ZBTB39: variants seen among roughly 807,000 people sequenced by gnomAD.
ZBTB39 encodes zinc finger and BTB domain-containing protein 39.
A neutral mutation model predicts 39.4 loss-of-function variants in ZBTB39; 25 were observed. The observed-to-expected ratio is 0.63, with a 90% CI of 0.46 to 0.89. The LOEUF (loss-of-function observed/expected upper bound fraction) is 0.89. ZBTB39 is among the 40% of genes least tolerant of loss of function. The probability of loss-of-function intolerance (pLI) is 0.00; values close to 1 mark genes in which losing one functional copy is unlikely to be tolerated. For synonymous variants in ZBTB39, 373 were observed against 359.6 expected (o/e 1.04, Z -0.42); for missense variants, 891 against 909.7 (o/e 0.98, Z 0.26).
Position 57,003,358 on chromosome 12 carries a change from C to G in ZBTB39, c.1560G>C (p.Trp520Cys), listed in dbSNP as rs1255265479. ...CAGCCATGTGCTTCTCTAGAAGATG[C>G]CAGTCCACAAAGCTGTTCGCACAGA... is the stretch of plus-strand genomic sequence containing the variant. The part of the protein sequence containing the change: ...CSVCANSFVD[W>C]HLLEKHMAVH... Residue 520 changes from tryptophan to cysteine, a missense_variant, in exon 2 of 2, where the codon TGG (tryptophan) becomes TGC (cysteine). Transcript: ENST00000300101. The surrounding 1 kb of genome is among the most constrained non-coding windows in gnomAD (Gnocchi z 4.8). 2.5e-6 allele frequency: 4 copies of G among 1,613,702 alleles called. No homozygotes were observed. The South Asian group carries it at 3.3e-5, about 13-fold the overall frequency.
Position 57,006,510 on chromosome 12 carries a change from G to C in ZBTB39, c.-150C>G, listed in dbSNP as rs947580510. 5.5e-5 allele frequency: 8 copies of C among 146,398 alleles called. No individual in the cohort carries two copies. Among genetic ancestry groups the C allele is most frequent in the African/African-American group, 2.0e-4 (8 of 40,778 alleles). 9.1% of individuals were successfully genotyped at this position (146,398 alleles called of 1,614,324 possible). On this transcript the variant is annotated 5_prime_UTR_variant, in exon 1 of 2. Coordinates refer to ENST00000300101, the MANE Select transcript of ZBTB39 (RefSeq NM_014830.3). ...GAGGCGGCGCCGCCGGCCGCGGCCAGACTCTCCATCCGCCGCGCGGCTCGC... is the reference window on the plus strand; with the variant it reads ...GAGGCGGCGCCGCCGGCCGCGGCCACACTCTCCATCCGCCGCGCGGCTCGC...
At chr12:57,005,616 TAAGAA>T (rs1956240417) in intron 1 of ZBTB39, among the ~76,000 whole-genome samples, 1 of 152,232 alleles carries the variant, frequency 6.6e-6, no homozygotes, top group Non-Finnish European at 1.5e-5. Context: ...GAATGCACAG[TAAGAA>T]AAGTAGAACA....
Position 57,006,531 on chromosome 12 carries a change from C to G in ZBTB39, c.-171G>C, listed in dbSNP as rs1185003607. The G allele has an allele frequency of 2.7e-5, 4 of 145,630 alleles. No individual in the cohort carries two copies. The highest frequency in any genetic ancestry group is 7.4e-5 in the African/African-American group (3 of 40,652). The allele number at this position is 145,630 out of a possible 1,614,324, so 9.0% of individuals were successfully genotyped here. ...GCCAGACTCTCCATCCGCCGCGCGG[C>G]TCGCCGCGACGGCCCGGGCCGCCCC... On this transcript the variant is annotated 5_prime_UTR_variant, in exon 1 of 2. Transcript: ENST00000300101.
At position 57,004,345 on chromosome 12, in the gene ZBTB39, A is replaced by C. The variant is rs780415511; in HGVS notation, c.573T>G (p.Ser191Arg). ...GCAGATGCAGGCTATGGTTAGCGTC[A>C]CTGGCAACATTCTTCTCTTCCTCTT... ...SYKEEEKNVASDANHSLHLPQ... is the reference protein window; with the variant it reads ...SYKEEEKNVARDANHSLHLPQ... The change falls in exon 2 of 2, where the codon AGT becomes AGG. Residue 191 changes from serine (S) to arginine (R), a missense_variant. By Grantham distance (110) the Ser-to-Arg change is moderately radical. Coordinates refer to ENST00000300101, the MANE Select transcript of ZBTB39 (RefSeq NM_014830.3). 1 of 1,614,200 alleles carries C rather than the reference A, an allele frequency of 6.2e-7. No homozygotes were observed. Among genetic ancestry groups the C allele is most frequent in the Non-Finnish European group, 8.5e-7 (1 of 1,180,028 alleles).
rs1474300860 is a variant in ZBTB39 at position 57,002,219 on chromosome 12, G to GGCTGTAGAT, written c.*551_*559dup. 6.4e-6 allele frequency: 1 copy of GGCTGTAGAT among 155,100 alleles called. No individual in the cohort carries two copies. The highest frequency in any genetic ancestry group is 2.4e-5 in the African/African-American group (1 of 41,418). 9.6% of individuals were successfully genotyped at this position (155,100 alleles called of 1,614,324 possible). ...TTTCACTGTTCAATCAGCAGATTAG[G>GGCTGTAGAT]GCTGTAGATAAGCAGACACCAACAT... On this transcript the variant is annotated 3_prime_UTR_variant, in exon 2 of 2. Transcript: ENST00000300101.
At position 56,999,750 on chromosome 12, in the gene ZBTB39, G is replaced by A. The variant is rs1035945750; in HGVS notation, c.*3029C>T. On this transcript the variant is annotated 3_prime_UTR_variant, in exon 2 of 2. Coordinates refer to ENST00000300101, the MANE Select transcript of ZBTB39 (RefSeq NM_014830.3). Reference sequence around the variant, plus strand: ...CTGTTTAACCCCGGGTGCCACACAAGTATTACCATTTTCCCCTCGGAAAAC... The same window carrying A: ...CTGTTTAACCCCGGGTGCCACACAAATATTACCATTTTCCCCTCGGAAAAC... 1.3e-5 allele frequency: 2 copies of A among 152,190 alleles called. No individual in the cohort carries two copies. Among genetic ancestry groups the A allele is most frequent in the Non-Finnish European group, 2.9e-5 (2 of 68,040 alleles). The allele number at this position is 152,190 out of a possible 1,614,324, so 9.4% of individuals were successfully genotyped here. A position where few individuals can be genotyped will look rare whatever the true frequency, so the allele number is the denominator to read the frequency against.
At chr12:57,005,009 A>G (rs562077389) in intron 1 of ZBTB39, 48 bp from the exon 2 acceptor site, 1 of 1,351,166 alleles carries the variant, frequency 7.4e-7, no homozygotes, top group African/African-American at 1.5e-5. Context: ...CATCCGTGCA[A>G]AAGAGGGGCT....
intron 1 of ZBTB39, among the ~76,000 whole-genome samples, chr12:57,005,520 C>A (rs1293543792): frequency 9.2e-5 from 14 of 152,178 alleles, no homozygotes; most frequent in Admixed American, 9.2e-4. Flanking sequence ...ATACTACATA[C>A]CCGCTCTCTG....
Position 57,002,971 on chromosome 12 carries a change from C to A in ZBTB39, c.1947G>T (p.Lys649Asn), listed in dbSNP as rs1956218763. 2 of 1,614,242 alleles carry A rather than the reference C, an allele frequency of 1.2e-6. No homozygotes were observed. The highest frequency in any genetic ancestry group is 1.7e-6 in the Non-Finnish European group (2 of 1,180,052). ...HKFFRGRSTI[K>N]CHLKTHSGAL... ...CCCCCGAGTGTGTCTTTAGGTGGCA[C>A]TTGATGGTCGAGCGGCCTCGAAAGA... Residue 649 changes from lysine (K) to asparagine (N), a missense_variant, in exon 2 of 2, where the codon AAG (lysine) becomes AAT (asparagine). Lys to Asn is a moderately conservative substitution (Grantham distance 94, BLOSUM62 0). Coordinates refer to ENST00000300101, the MANE Select transcript of ZBTB39 (RefSeq NM_014830.3).
rs762348442 is a variant in ZBTB39, at chr12:57,003,444, G to A, written c.1474C>T (p.Leu492Phe). The A allele has an allele frequency of 6.2e-7, 1 of 1,613,934 alleles. No individual in the cohort carries two copies. Among genetic ancestry groups the A allele is most frequent in the Non-Finnish European group, 8.5e-7 (1 of 1,179,768 alleles). The part of the protein sequence containing the change: ...CSVCDQRHLN[L>F]CSLMWHTLSH... ...AGCGTGTGCCACATGAGGCTGCAGA[G>A]GTTAAGGTGACGCTGGTCGCAGACA... The change falls in exon 2 of 2, where the codon CTC (leucine) becomes TTC (phenylalanine). Residue 492 changes from leucine (L) to phenylalanine (F), a missense_variant. Transcript: ENST00000300101. This position sits in a 1 kb window ranked among gnomAD's most constrained non-coding sequence, Gnocchi z 4.8.
At chr12:57,005,549 G>A (rs571522983) in intron 1 of ZBTB39, among the ~76,000 whole-genome samples, 33 of 152,256 alleles carry the variant, frequency 2.2e-4, no homozygotes, top group South Asian at 2.1e-4. Flanking sequence ...ATAACCCAGA[G>A]CCCCTCCAGA....
rs1416678501 is a variant in ZBTB39 at position 56,999,222 on chromosome 12, T to A, written c.*3557A>T. 1 of 152,152 alleles carries A rather than the reference T, an allele frequency of 6.6e-6. No individual in the cohort carries two copies. The highest frequency in any genetic ancestry group is 2.4e-5 in the African/African-American group (1 of 41,424). 9.4% of individuals were successfully genotyped at this position (152,152 alleles called of 1,614,324 possible). ...GCTGTGCACCCTGCCTCCTGACTCA[T>A]TTGGTGCAGGATTTAGGGAAAAGAG... On this transcript the variant is annotated 3_prime_UTR_variant, in exon 2 of 2. Coordinates refer to ENST00000300101, the MANE Select transcript of ZBTB39 (RefSeq NM_014830.3).
chr12:56,999,413 G>GA lies in ZBTB39; in HGVS notation c.*3365dup, dbSNP rs1956197474. 1 of 152,086 alleles carries GA rather than the reference G, an allele frequency of 6.6e-6. No individual in the cohort carries two copies. Among genetic ancestry groups the GA allele is most frequent in the South Asian group, 2.1e-4 (1 of 4,820 alleles). The allele number at this position is 152,086 out of a possible 1,614,324, so 9.4% of individuals were successfully genotyped here. ...TCAACACTAGCAAAAACCTGTCTAG[G>GA]AAAAAGATATTTAAGCCCAAAGGTT... On this transcript the variant is annotated 3_prime_UTR_variant, in exon 2 of 2. Transcript: ENST00000300101.
intron 1 of ZBTB39, among the ~76,000 whole-genome samples, chr12:57,005,266 G>A (rs1956238343): frequency 6.6e-6 from 1 of 152,158 alleles, no homozygotes. Flanking sequence ...CAGAGCCACT[G>A]GATCAAATTT....
At position 57,004,105 on chromosome 12, in the gene ZBTB39, A is replaced by C. The variant is rs760112483; in HGVS notation, c.813T>G (p.Thr271=). ...LTPDNAVDIT[T]GTNSCLSNSE... Reference sequence around the variant, plus strand: ...TATTGCTCAGACAGGAGTTGGTCCCAGTGGTAATGTCTACTGCATTGTCAG... The same window carrying C: ...TATTGCTCAGACAGGAGTTGGTCCCCGTGGTAATGTCTACTGCATTGTCAG... The change falls in exon 2 of 2, where the codon ACT becomes ACG. Residue 271 remains threonine (T), a synonymous_variant. Transcript: ENST00000300101. 1 of 1,614,230 alleles carries C rather than the reference A, an allele frequency of 6.2e-7. No individual in the cohort carries two copies. The highest frequency in any genetic ancestry group is 2.2e-5 in the East Asian group (1 of 44,884).
In ZBTB39 at chr12:56,998,844, T is replaced by G. The variant is rs1258679924; in HGVS notation, c.*3935A>C. On this transcript the variant is annotated 3_prime_UTR_variant, in exon 2 of 2. Transcript: ENST00000300101. Reference sequence around the variant, plus strand: ...TAGGAAGAGAACTCTCATTTCAAATTTCTTTTTTTATTCTAAATAAAAACC... The same window carrying G: ...TAGGAAGAGAACTCTCATTTCAAATGTCTTTTTTTATTCTAAATAAAAACC... 6.6e-6 allele frequency: 1 copy of G among 152,670 alleles called. No individual in the cohort carries two copies. The highest frequency in any genetic ancestry group is 1.9e-4 in the East Asian group (1 of 5,202). The allele number at this position is 152,670 out of a possible 1,614,324, so 9.5% of individuals were successfully genotyped here.
At position 57,002,788 on chromosome 12, in the gene ZBTB39, C is replaced by T. The variant is rs140799751; in HGVS notation, c.2130G>A (p.Pro710=). The change falls in exon 2 of 2, where the codon CCG becomes CCA. Residue 710 remains proline (P), a synonymous_variant. Transcript: ENST00000300101. The part of the protein sequence containing the change: ...IIHSKEADKN[P]DS ...CTCTGCCGGGACCCAGTCAACTGTC[C>T]GGGTTCTTATCCGCCTCTTTGGAAT... 135 of 1,613,126 alleles carry T rather than the reference C, an allele frequency of 8.4e-5. No individual in the cohort carries two copies. In the East Asian group the frequency reaches 1.1e-3, roughly 13 times the overall value.
In ZBTB39 at chr12:57,006,206, C is replaced by G. The variant is rs952273918; in HGVS notation, c.-45+199G>C. ...CTCCACAAACAGCGCGGGGCTCACC[C>G]GGGTGAGCCTGTTGGGGGCATGGGG... is the stretch of plus-strand genomic sequence containing the variant. On this transcript the variant is annotated intron_variant, in intron 1 of 1. Transcript: ENST00000300101. Among the ~76,000 whole-genome samples, 46 of 145,602 alleles carry G rather than the reference C, an allele frequency of 3.2e-4. 1 individual carries two copies. Among genetic ancestry groups the G allele is most frequent in the Admixed American group, 1.1e-3 (16 of 14,670 alleles).
Position 57,004,519 on chromosome 12 carries a change from G to A in ZBTB39, c.399C>T (p.Pro133=). Residue 133 remains proline, a synonymous_variant, in exon 2 of 2, where the codon CCC becomes CCT. Coordinates refer to ENST00000300101, the MANE Select transcript of ZBTB39 (RefSeq NM_014830.3). ...PDLESTARAK[P]LTSTSESHSG... The stretch of plus-strand genomic sequence containing the variant: ...AGTGGCTCTCACTGGTGCTGGTCAG[G>A]GGCTTGGCCCTGGCAGTGCTCTCCA... 2 of 1,614,178 alleles carry A rather than the reference G, an allele frequency of 1.2e-6. No individual in the cohort carries two copies. The highest frequency in any genetic ancestry group is 1.7e-6 in the Non-Finnish European group (2 of 1,180,038).
Sources: allele counts gnomAD v4.1 joint callset (sites outside exome capture counted in the v4.1 genomes callset), GRCh38; gene constraint gnomAD v4.1.1; non-coding constraint Gnocchi (gnomAD v3.1); transcripts MANE v1.5; gene names NCBI Gene and HGNC (gene_info 2026-07-23, HGNC 2026-07-21).